Variants in LRFN2 observed in about 807,000 individuals in gnomAD.
LRFN2 encodes leucine rich repeat and fibronectin type III domain containing 2, also known as leucine-rich repeat and fibronectin type-III domain-containing protein 2.
In LRFN2, 18 loss-of-function variants were observed where a neutral mutation model predicts 37.3. The observed-to-expected ratio is 0.48, with a 90% CI of 0.33 to 0.72. LRFN2 has a LOEUF of 0.72. Ranked by LOEUF, LRFN2 falls within the 30% of genes least tolerant of loss-of-function variation. LRFN2 has a pLI of 0.02. For synonymous variants in LRFN2, 556 were observed against 466.6 expected, an observed-to-expected ratio of 1.19 and a Z score of -2.47; for missense variants, 1,006 against 1,060.7, an observed-to-expected ratio of 0.95 and a Z score of 0.72.
At chr6:40,393,599 C>G (rs905641629) in intron 2 of LRFN2, among the ~76,000 whole-genome samples, 3 of 152,016 alleles carry the variant, frequency 2.0e-5, no homozygotes, top group East Asian at 3.9e-4. Context: ...CAAAGGGACA[C>G]CCGCTACTTC....
chr6:40,577,429 ACTT>A (rs1430563552), intron 1 of LRFN2, among the ~76,000 whole-genome samples: 10 of 152,140 alleles, frequency 6.6e-5, no homozygotes, highest in Admixed American at 3.3e-4. Context: ...TGCCCCAAAT[ACTT>A]TCCAAGCTCT....
chr6:40,586,365 G>C (rs755708541), intron 1 of LRFN2, among the ~76,000 whole-genome samples: 1 of 152,038 alleles, frequency 6.6e-6, no homozygotes, highest in Non-Finnish European at 1.5e-5. Flanking sequence ...CAATCCCCCT[G>C]ATCTGCTTTC....
chr6:40,393,176 A>G (rs1354375889), intron 2 of LRFN2, among the ~76,000 whole-genome samples: 1 of 151,442 alleles, frequency 6.6e-6, no homozygotes, highest in Non-Finnish European at 1.5e-5. Context: ...GGAATAGGGC[A>G]TAGGGAATAG....
intron 1 of LRFN2, among the ~76,000 whole-genome samples, chr6:40,491,320 G>T (rs941086455): frequency 1.3e-5 from 2 of 152,188 alleles, no homozygotes; most frequent in Admixed American, 6.5e-5. Flanking sequence ...GCACCTGGAG[G>T]GCAAGGAAAG....
At chr6:40,543,025 A>G (rs2196101) in intron 1 of LRFN2, among the ~76,000 whole-genome samples, 68,588 of 151,746 alleles carry the variant, frequency 0.45, 16,496 homozygotes, top group African/African-American at 0.62. Flanking sequence ...TCATCTGCAA[A>G]ATGGGTGGCA....
chr6:40,576,360 C>G (rs571446573), intron 1 of LRFN2, among the ~76,000 whole-genome samples: 1 of 152,232 alleles, frequency 6.6e-6, no homozygotes, highest in African/African-American at 2.4e-5. Flanking sequence ...AGAGAAAGGC[C>G]GAGCAGAACA....
intron 1 of LRFN2, 121 bp from the exon 2 acceptor site, chr6:40,433,252 A>C (rs1763560151): frequency 4.2e-6 from 3 of 712,806 alleles, no homozygotes; most frequent in African/African-American, 3.6e-5. Flanking sequence ...GCAAGTGCTC[A>C]AGCAAGACCT....
At chr6:40,495,376 T>G (rs1437066507) in intron 1 of LRFN2, among the ~76,000 whole-genome samples, 1 of 152,208 alleles carries the variant, frequency 6.6e-6, no homozygotes, top group South Asian at 2.1e-4. Context: ...CATGTTGGCT[T>G]CCTCTATGAC....
At chr6:40,454,064 A>G (rs1764182425) in intron 1 of LRFN2, among the ~76,000 whole-genome samples, 1 of 152,222 alleles carries the variant, frequency 6.6e-6, no homozygotes, top group Admixed American at 6.5e-5. Context: ...GGGATGCTCC[A>G]GACCAAGACC....
intron 1 of LRFN2, among the ~76,000 whole-genome samples, chr6:40,484,081 A>G (rs1865254): frequency 0.047 from 7,186 of 152,276 alleles, 475 homozygotes; most frequent in African/African-American, 0.15. Flanking sequence ...CTGTGTACCC[A>G]TGCCAGCTCC....
intron 1 of LRFN2, among the ~76,000 whole-genome samples, chr6:40,545,630 A>G (rs1434630731): frequency 6.6e-6 from 1 of 152,012 alleles, no homozygotes. Context: ...GGTTGGGGAG[A>G]GATGAAGAGA....
At chr6:40,461,023 A>C (rs1296387648) in intron 1 of LRFN2, among the ~76,000 whole-genome samples, 1 of 152,182 alleles carries the variant, frequency 6.6e-6, no homozygotes, top group Non-Finnish European at 1.5e-5. Context: ...TCATTCATTT[A>C]TTTAATCAAC....
chr6:40,547,496 C>T (rs376014033), intron 1 of LRFN2, among the ~76,000 whole-genome samples: 3 of 152,266 alleles, frequency 2.0e-5, no homozygotes, highest in Non-Finnish European at 2.9e-5. Context: ...TTAGTGTATG[C>T]GCCCTAGTTC....
intron 1 of LRFN2, among the ~76,000 whole-genome samples, chr6:40,481,439 C>A (rs374407280): frequency 1.9e-3 from 232 of 119,140 alleles, no homozygotes; most frequent in Non-Finnish European, 2.5e-3. Context: ...AAGATTGTCT[C>A]AAAAAAAAAA....
At chr6:40,508,416 T>C (rs180909671) in intron 1 of LRFN2, among the ~76,000 whole-genome samples, 1 of 152,020 alleles carries the variant, frequency 6.6e-6, no homozygotes, top group East Asian at 1.9e-4. Context: ...GAGATGGGGG[T>C]TTCTGGAGGG....
intron 1 of LRFN2, among the ~76,000 whole-genome samples, chr6:40,456,571 C>T (rs1189828872): frequency 6.6e-6 from 1 of 152,198 alleles, no homozygotes; most frequent in Non-Finnish European, 1.5e-5. Flanking sequence ...CGTGGCAATG[C>T]CTTGTGTTTG....
intron 1 of LRFN2, among the ~76,000 whole-genome samples, chr6:40,466,423 T>C (rs1193458224): frequency 6.6e-6 from 1 of 152,154 alleles, no homozygotes; most frequent in Admixed American, 6.5e-5. Context: ...TCAGTCCCAT[T>C]TTTAAAGATC....
chr6:40,392,091 C>A lies in LRFN2; in HGVS notation c.2222G>T (p.Gly741Val), dbSNP rs1446280580. 62 of 1,613,796 alleles carry A rather than the reference C, an allele frequency of 3.8e-5. No individual in the cohort carries two copies. Among genetic ancestry groups the A allele is most frequent in the Non-Finnish European group, 5.3e-5 (62 of 1,179,968 alleles). ...AAAAGGVVPGGYSPPRKVSNI... is the reference protein window; with the variant it reads ...AAAAGGVVPGVYSPPRKVSNI... ...CGAGACCTTCCGAGGAGGACTGTAGCCGCCCGGCACGACCCCTCCCGCCGC... is the reference window on the plus strand; with the variant it reads ...CGAGACCTTCCGAGGAGGACTGTAGACGCCCGGCACGACCCCTCCCGCCGC... Residue 741 changes from glycine (G) to valine (V), a missense_variant, in exon 3 of 3, where the codon GGC becomes GTC. Gly to Val is a moderately radical substitution (Grantham distance 109). This residue lies in a region of LRFN2 where 398 missense variants were observed against 327.6 expected (regional missense o/e 1.21). Coordinates refer to ENST00000338305, the MANE Select transcript of LRFN2 (RefSeq NM_020737.3). The surrounding 1 kb of genome is among the most constrained non-coding windows in gnomAD (Gnocchi z 4.7).
intron 1 of LRFN2, among the ~76,000 whole-genome samples, chr6:40,494,916 C>T (rs184238919): frequency 3.9e-5 from 6 of 152,352 alleles, no homozygotes; most frequent in Admixed American, 3.3e-4. Flanking sequence ...CCATCCTCTT[C>T]CAAGTACTCT....
Sources: gnomAD v4.1 joint callset for allele counts (sites outside exome capture counted in the v4.1 genomes callset) on GRCh38, gnomAD v4.1.1 for gene constraint, gnomAD v4.1.1 regional missense constraint, Gnocchi (gnomAD v3.1) non-coding constraint, MANE v1.5 for transcripts, NCBI Gene and HGNC (gene_info 2026-07-23, HGNC 2026-07-21) for gene names.